NAALADL2: variants seen among roughly 807,000 people sequenced by gnomAD.
The protein encoded by NAALADL2 is inactive N-acetylated-alpha-linked acidic dipeptidase-like protein 2.
Under a neutral mutation model 87.2 loss-of-function variants are expected in NAALADL2, and 76 were observed. The ratio of observed to expected loss-of-function variants is 0.87; its 90% CI spans 0.72 to 1.05. The LOEUF (loss-of-function observed/expected upper bound fraction) is 1.05, where lower values mean the gene tolerates loss of function less well. Ranked by LOEUF, NAALADL2 falls within the 50% of genes least tolerant of loss-of-function variation. The pLI is 0.00. For synonymous variants in NAALADL2, 354 were observed against 331.0 expected (o/e 1.07, Z -0.75); for missense variants, 1,089 against 945.8 (o/e 1.15, Z -1.99).
At chr3:175,327,706 A>C (rs1760907820) in intron 5 of NAALADL2, among the ~76,000 whole-genome samples, 1 of 143,888 alleles carries the variant, frequency 6.9e-6, no homozygotes, top group Non-Finnish European at 1.5e-5. Context: ...AAACTATGGG[A>C]AGATAAATAA....
At chr3:175,657,176 T>C (rs1375824470) in intron 11 of NAALADL2, among the ~76,000 whole-genome samples, 2 of 152,188 alleles carry the variant, frequency 1.3e-5, no homozygotes, top group African/African-American at 4.8e-5. Context: ...GATTTCATCA[T>C]TCTAAGTTCA....
intron 2 of NAALADL2, among the ~76,000 whole-genome samples, chr3:174,608,776 C>T (rs535251996): frequency 2.4e-4 from 36 of 148,004 alleles, no homozygotes; most frequent in Admixed American, 1.1e-3. Flanking sequence ...CTATTCCAAT[C>T]AATAGAAAAA....
intron 1 of NAALADL2, 91 bp downstream of exon 1, chr3:174,859,541 A>G (rs1246410336): frequency 9.8e-7 from 1 of 1,022,346 alleles, no homozygotes; most frequent in African/African-American, 1.6e-5. Context: ...CTGTGTATGC[A>G]CACACGCATC....
At chr3:174,706,019 C>A (rs550558841) in intron 2 of NAALADL2, among the ~76,000 whole-genome samples, 1 of 152,112 alleles carries the variant, frequency 6.6e-6, no homozygotes, top group African/African-American at 2.4e-5. Flanking sequence ...TTTCTCTCTA[C>A]GTGATCAACA....
chr3:175,536,659 A>G (rs141360607), intron 9 of NAALADL2, among the ~76,000 whole-genome samples: 413 of 152,228 alleles, frequency 2.7e-3, no homozygotes, highest in Non-Finnish European at 4.4e-3. Flanking sequence ...AACCTATTTT[A>G]TTTTGTTAAA....
At chr3:175,584,764 T>C (rs111460404) in intron 10 of NAALADL2, among the ~76,000 whole-genome samples, 3,800 of 152,264 alleles carry the variant, frequency 0.025, 165 homozygotes, top group African/African-American at 0.083. Context: ...ATATAAAAAG[T>C]GCAGTAAAGT....
chr3:175,299,015 G>C (rs369289749), intron 4 of NAALADL2, among the ~76,000 whole-genome samples: 15 of 152,236 alleles, frequency 9.9e-5, no homozygotes, highest in African/African-American at 2.6e-4. Flanking sequence ...TGACACCAGT[G>C]TAAGCATTAA....
intron 2 of NAALADL2, among the ~76,000 whole-genome samples, chr3:174,726,738 C>T (rs1227213099): frequency 6.6e-6 from 1 of 152,018 alleles, no homozygotes; most frequent in African/African-American, 2.4e-5. Context: ...TTTTCTTGCC[C>T]CTCAGGATTT....
At chr3:175,271,513 C>A (rs912904181) in intron 4 of NAALADL2, among the ~76,000 whole-genome samples, 1 of 152,164 alleles carries the variant, frequency 6.6e-6, no homozygotes, top group African/African-American at 2.4e-5. Context: ...GGCACTTAGG[C>A]CGGTGTGGTG....
intron 3 of NAALADL2, among the ~76,000 whole-genome samples, chr3:174,758,777 T>G (rs1417912027): frequency 6.6e-6 from 1 of 152,208 alleles, no homozygotes; most frequent in Non-Finnish European, 1.5e-5. Flanking sequence ...ATGAATGTTC[T>G]TTGTCTAGGA....
chr3:175,670,104 T>C (rs1217212013), intron 11 of NAALADL2, among the ~76,000 whole-genome samples: 1 of 151,992 alleles, frequency 6.6e-6, no homozygotes, highest in Admixed American at 6.6e-5. Context: ...AGATCTATTA[T>C]TATTATCTCA....
At chr3:174,461,465 T>TC (rs34016917) in intron 1 of NAALADL2, among the ~76,000 whole-genome samples, 65,227 of 151,782 alleles carry the variant, frequency 0.43, 15,132 homozygotes, top group East Asian at 0.88. Flanking sequence ...TGCACCTTTA[T>TC]CCCCCTTGAA....
At chr3:175,573,022 A>G (rs1307264838) in intron 9 of NAALADL2, among the ~76,000 whole-genome samples, 1 of 152,220 alleles carries the variant, frequency 6.6e-6, no homozygotes, top group African/African-American at 2.4e-5. Flanking sequence ...CTAAATGTTT[A>G]TATAACTAAT....
intron 11 of NAALADL2, among the ~76,000 whole-genome samples, chr3:175,671,015 G>A (rs1260067180): frequency 2.0e-5 from 3 of 151,390 alleles, no homozygotes; most frequent in South Asian, 2.1e-4. Context: ...ATAATAATAA[G>A]CAAAAAAGCG....
chr3:175,098,488 G>C (rs1721541474), intron 2 of NAALADL2, among the ~76,000 whole-genome samples: 1 of 152,110 alleles, frequency 6.6e-6, no homozygotes, highest in South Asian at 2.1e-4. Context: ...TGGAATGTCT[G>C]TGCACACAAG....
intron 1 of NAALADL2, among the ~76,000 whole-genome samples, chr3:175,081,852 TTCATGACTCTAATATTGTACGCA>T (rs1717897843): frequency 6.6e-6 from 1 of 152,214 alleles, no homozygotes; most frequent in South Asian, 2.1e-4. Flanking sequence ...GGTTTATATT[TTCATGACTCTAATATTGTACGCA>T]TATTGTTATT....
At chr3:175,022,179 G>A (rs1255710977) in intron 1 of NAALADL2, among the ~76,000 whole-genome samples, 2 of 151,948 alleles carry the variant, frequency 1.3e-5, no homozygotes, top group Admixed American at 6.6e-5. Context: ...TTCTTGTATA[G>A]CCTGAAGAAT....
chr3:175,250,894 A>G (rs922459137), intron 3 of NAALADL2, among the ~76,000 whole-genome samples: 1 of 152,142 alleles, frequency 6.6e-6, no homozygotes, highest in Non-Finnish European at 1.5e-5. Flanking sequence ...ACATTTCTTC[A>G]TTATAACATG....
At chr3:175,727,140 T>C (rs537944030) in intron 11 of NAALADL2, among the ~76,000 whole-genome samples, 4 of 152,082 alleles carry the variant, frequency 2.6e-5, no homozygotes, top group Non-Finnish European at 5.9e-5. Context: ...GCATGATCTG[T>C]CGGCTCCAGA....
Sources: allele counts gnomAD v4.1 joint callset (sites outside exome capture counted in the v4.1 genomes callset), GRCh38; gene constraint gnomAD v4.1.1; transcripts MANE v1.5; gene names NCBI Gene and HGNC (gene_info 2026-07-23, HGNC 2026-07-21).